The following AHI1 variants were observed in gnomAD, a reference collection of about 807,000 sequenced individuals.
AHI1 encodes jouberin.
In AHI1, 123 loss-of-function variants were observed where a neutral mutation model predicts 149.3. The ratio of observed to expected loss-of-function variants is 0.82; its 90% CI spans 0.71 to 0.96. The LOEUF (loss-of-function observed/expected upper bound fraction) is 0.96. Among genes scored for constraint, AHI1 ranks in the 40% least tolerant of loss-of-function variants. AHI1 has a pLI of 0.00. For missense variants in AHI1, 1,439 were observed against 1,422.7 expected (o/e 1.01, Z -0.18); for synonymous variants, 475 against 459.8 (o/e 1.03, Z -0.42).
chr6:135,336,453 C>G (rs1012542226), intron 24 of AHI1, among the ~76,000 whole-genome samples: 1 of 151,870 alleles, frequency 6.6e-6, no homozygotes, highest in Non-Finnish European at 1.5e-5. Context: ...CAAAAATTAA[C>G]CAGGCATGGT....
intron 17 of AHI1, among the ~76,000 whole-genome samples, 200 bp from the exon 18 acceptor site, chr6:135,430,200 A>T (rs1351903284): frequency 9.2e-5 from 14 of 151,972 alleles, no homozygotes. Context: ...GTTGTTATGC[A>T]ATGTGCAAAT....
intron 10 of AHI1, among the ~76,000 whole-genome samples, chr6:135,455,326 G>A (rs1788757670): frequency 6.6e-6 from 1 of 152,098 alleles, no homozygotes; most frequent in Non-Finnish European, 1.5e-5. Context: ...TGCATTAACT[G>A]ATCTGTGTAC....
chr6:135,361,194 A>T (rs1382910486), intron 23 of AHI1, among the ~76,000 whole-genome samples: 1 of 152,238 alleles, frequency 6.6e-6, no homozygotes, highest in African/African-American at 2.4e-5. Flanking sequence ...TTCAAGAATA[A>T]TATAAGCAAC....
chr6:135,432,513 C>A (rs552802185), intron 16 of AHI1, among the ~76,000 whole-genome samples: 1 of 151,952 alleles, frequency 6.6e-6, no homozygotes, highest in Non-Finnish European at 1.5e-5. Context: ...CCACCACACC[C>A]GGCTAATTTT....
intron 5 of AHI1, among the ~76,000 whole-genome samples, chr6:135,473,687 G>A (rs1382823192): frequency 6.6e-6 from 1 of 152,088 alleles, no homozygotes; most frequent in Non-Finnish European, 1.5e-5. Context: ...AGCACTTTGA[G>A]GGGTTCAGTG....
chr6:135,293,616 G>GTAAATTGAAACTTAAAA (rs1554263369), intron 27 of AHI1, among the ~76,000 whole-genome samples: 5 of 151,612 alleles, frequency 3.3e-5, no homozygotes, highest in African/African-American at 1.2e-4. Flanking sequence ...ATAAACTAGC[G>GTAAATTGAAACTTAAAA]ACAATACCAT....
intron 26 of AHI1, chr6:135,301,018 T>C (rs550967551): frequency 3.0e-4 from 300 of 984,856 alleles, no homozygotes; most frequent in Middle Eastern, 2.6e-3. Flanking sequence ...ATCTACAAAA[T>C]GTGTTCAGTA....
intron 20 of AHI1, among the ~76,000 whole-genome samples, chr6:135,416,397 T>C (rs909792938): frequency 4.6e-5 from 7 of 151,750 alleles, no homozygotes; most frequent in Non-Finnish European, 1.0e-4. Context: ...AACTGACCCA[T>C]TGTACCTCAA....
At chr6:135,386,312 T>C (rs1324729427) in intron 23 of AHI1, among the ~76,000 whole-genome samples, 2 of 150,742 alleles carry the variant, frequency 1.3e-5, no homozygotes, top group African/African-American at 4.9e-5. Flanking sequence ...AGTGTTTTGT[T>C]TTTTTTTTTC....
chr6:135,356,091 G>A (rs1396681306), intron 24 of AHI1, among the ~76,000 whole-genome samples: 1 of 152,156 alleles, frequency 6.6e-6, no homozygotes, highest in Non-Finnish European at 1.5e-5. Flanking sequence ...AGTAAGCTGG[G>A]AATTGAGGGT....
At chr6:135,492,407 A>G (rs1291255416) in intron 3 of AHI1, 116 bp from the exon 4 acceptor site, 2 of 1,325,444 alleles carry the variant, frequency 1.5e-6, no homozygotes, top group Non-Finnish European at 1.9e-6. Context: ...GTTTATACCA[A>G]TAAAGCTATG....
intron 5 of AHI1, 78 bp from the exon 6 acceptor site, chr6:135,467,712 C>G: frequency 9.7e-7 from 1 of 1,028,412 alleles, no homozygotes; most frequent in South Asian, 1.8e-5. Context: ...TAATGTTCAA[C>G]TATGTGGAAT....
chr6:135,466,118 T>TA lies in AHI1; in HGVS notation c.444dup (p.Lys149Ter), dbSNP rs750150127. The TA allele has an allele frequency of 6.2e-7, 1 of 1,613,924 alleles. No homozygotes were observed. The highest frequency in any genetic ancestry group is 8.5e-7 in the Non-Finnish European group (1 of 1,179,858). On this transcript the variant is annotated frameshift_variant, in exon 7 of 29. Coordinates refer to ENST00000265602, the MANE Select transcript of AHI1 (RefSeq NM_001134831.2). LOFTEE classifies it high-confidence loss of function. ...GTTTTCTGGTGTGTAGAATCAACCT[T>TA]ATTCTCAGGAGTTTCCGGTTTCAGG...
intron 23 of AHI1, among the ~76,000 whole-genome samples, chr6:135,363,776 C>G (rs1413118467): frequency 4.4e-5 from 6 of 136,958 alleles, no homozygotes; most frequent in Admixed American, 7.2e-5. Flanking sequence ...GTTGACCCCC[C>G]CACCTCCCTC....
rs761288707 is a variant in AHI1 at position 135,490,724 on chromosome 6, T to C, written c.34A>G (p.Thr12Ala). ...PTAESEAKVK[T>A]KVRFEELLKT... Reference sequence around the variant, plus strand: ...AGCAATTCTTCAAAGCGAACTTTGGTTTTTACTTTTGCTTCACTCTCAGCT... The same window carrying C: ...AGCAATTCTTCAAAGCGAACTTTGGCTTTTACTTTTGCTTCACTCTCAGCT... Residue 12 changes from threonine to alanine, a missense_variant, in exon 5 of 29, where the codon ACC becomes GCC. Physicochemically the swap from Thr to Ala is moderately conservative, Grantham distance 58. Coordinates refer to ENST00000265602, the MANE Select transcript of AHI1 (RefSeq NM_001134831.2). 2.5e-6 allele frequency: 4 copies of C among 1,612,842 alleles called. No homozygotes were observed. Among genetic ancestry groups the C allele is most frequent in the Non-Finnish European group, 3.4e-6 (4 of 1,179,480 alleles).
chr6:135,283,638 A>C lies in AHI1; in HGVS notation c.*2007T>G, dbSNP rs1238280728. On this transcript the variant is annotated 3_prime_UTR_variant, in exon 29 of 29. Transcript: ENST00000265602. ...CTATTGCTTGGAGGGCACTGTCATG[A>C]TCTCCCCCACCCCATCTCATCTCAG... The C allele has an allele frequency of 6.6e-6, 1 of 152,124 alleles. No individual in the cohort carries two copies. Among genetic ancestry groups the C allele is most frequent in the Non-Finnish European group, 1.5e-5 (1 of 68,036 alleles). 9.4% of individuals were successfully genotyped at this position (152,124 alleles called of 1,614,324 possible). A position where few individuals can be genotyped will look rare whatever the true frequency, so the allele number is the denominator to read the frequency against.
intron 8 of AHI1, among the ~76,000 whole-genome samples, chr6:135,459,740 T>TAAA (rs58235668): frequency 8.4e-6 from 1 of 118,552 alleles, no homozygotes; most frequent in African/African-American, 3.4e-5. Flanking sequence ...CTGACAGAAG[T>TAAA]AAAAAAAAAA....
intron 25 of AHI1, among the ~76,000 whole-genome samples, chr6:135,320,127 T>C (rs1786580921): frequency 6.6e-6 from 1 of 152,196 alleles, no homozygotes; most frequent in African/African-American, 2.4e-5. Flanking sequence ...ATTGAGTTTT[T>C]TGTTAAATTC....
intron 23 of AHI1, among the ~76,000 whole-genome samples, chr6:135,368,037 C>T (rs374445014): frequency 3.9e-5 from 6 of 152,170 alleles, no homozygotes; most frequent in South Asian, 4.1e-4. Context: ...TTCTGTCCCA[C>T]GGGATGCCCC....
Sources: gnomAD v4.1 joint callset for allele counts (sites outside exome capture counted in the v4.1 genomes callset) on GRCh38, gnomAD v4.1.1 for gene constraint, MANE v1.5 for transcripts, NCBI Gene and HGNC (gene_info 2026-07-23, HGNC 2026-07-21) for gene names.